The following ADGRB1 variants were observed in gnomAD, a reference collection of about 807,000 sequenced individuals.
The protein encoded by ADGRB1 is brain-specific angiogenesis inhibitor 1.
A neutral mutation model predicts 175.7 loss-of-function variants in ADGRB1; 36 were observed. That is an observed-to-expected ratio of 0.20 (90% CI 0.16 to 0.27). ADGRB1 has a LOEUF of 0.27. Ranked by LOEUF, ADGRB1 falls within the 10% of genes least tolerant of loss-of-function variation. The pLI is 1.00. For missense variants in ADGRB1, 1,731 were observed against 2,255.3 expected (o/e 0.77, Z 4.71); for synonymous variants, 1,054 against 979.4 (o/e 1.08, Z -1.42).
chr8:142,531,739 G>A (rs1193300184), intron 24 of ADGRB1, among the ~76,000 whole-genome samples: 6 of 152,148 alleles, frequency 3.9e-5, no homozygotes, highest in African/African-American at 1.4e-4. Flanking sequence ...CCTGAGGCTG[G>A]GGCCAGACAG....
Position 142,479,450 on chromosome 8 carries a change from G to A in ADGRB1, c.1689G>A (p.Gln563=). 3.2e-6 allele frequency: 5 copies of A among 1,552,008 alleles called. No homozygotes were observed. Among genetic ancestry groups the A allele is most frequent in the Non-Finnish European group, 4.3e-6 (5 of 1,154,516 alleles). The change falls in exon 8 of 31, where the codon CAG becomes CAA. Residue 563 remains glutamine (Q), a synonymous_variant. Coordinates refer to ENST00000517894, the MANE Select transcript of ADGRB1 (RefSeq NM_001702.3). ...FFGGAACQGP[Q]DEYRQCGTQR... ...GGGGAGCAGCCTGCCAGGGCCCCCAGGATGAGTACCGGCAGTGCGGCACCC... is the reference window on the plus strand; with the variant it reads ...GGGGAGCAGCCTGCCAGGGCCCCCAAGATGAGTACCGGCAGTGCGGCACCC...
rs1844200632 is a variant in ADGRB1, at chr8:142,526,488, CCT to C, written c.3313-53_3313-52del. ...AGCATCGGTCCGGCCAGTGTCAGCC[CCT>C]GAGCCTACGGCGGCCCCCACCCCCA... On this transcript the variant is annotated intron_variant, in intron 23 of 30. Transcript: ENST00000517894. The C allele has an allele frequency of 3.4e-6, 5 of 1,459,862 alleles. No homozygotes were observed. In the South Asian group the frequency reaches 6.1e-5, roughly 18 times the overall value. The allele number at this position is 1,459,862 out of a possible 1,614,324, so 90.4% of individuals were successfully genotyped here.
At chr8:142,488,590 AGCTGCT>A in intron 14 of ADGRB1, 83 bp downstream of exon 14, 1 of 1,539,192 alleles carries the variant, frequency 6.5e-7, no homozygotes, top group Non-Finnish European at 8.8e-7. Flanking sequence ...TCTGGAGTCT[AGCTGCT>A]GCCTCAGAGT....
At chr8:142,521,568 T>C (rs1843850519) in intron 20 of ADGRB1, among the ~76,000 whole-genome samples, 1 of 152,226 alleles carries the variant, frequency 6.6e-6, no homozygotes, top group Non-Finnish European at 1.5e-5. Context: ...TGGCAGAAGC[T>C]CAGGGCCGCT....
Position 142,464,635 on chromosome 8 carries a change from G to A in ADGRB1, c.437G>A (p.Arg146Gln). 1 of 1,520,276 alleles carries A rather than the reference G, an allele frequency of 6.6e-7. No individual in the cohort carries two copies. The highest frequency in any genetic ancestry group is 8.8e-7 in the Non-Finnish European group (1 of 1,138,938). 94.2% of individuals were successfully genotyped at this position (1,520,276 alleles called of 1,614,324 possible). Reference protein sequence around the residue: ...LQASKQFLQMRRQQPPQHDGL... With the variant: ...LQASKQFLQMQRQQPPQHDGL... ...GCCAGCAAGCAGTTCCTGCAGATGC[G>A]GCGCCAGCAGCCGCCCCAGCACGAC... The change falls in exon 2 of 31, where the codon CGG (arginine) becomes CAG (glutamine). Residue 146 changes from arginine to glutamine, a missense_variant. Arg to Gln is a conservative substitution (Grantham distance 43). This residue lies in a region of ADGRB1 where 383 missense variants were observed against 383.1 expected (regional missense o/e 1.00). Transcript: ENST00000517894.
At chr8:142,530,507 C>G (rs568954412) in intron 24 of ADGRB1, among the ~76,000 whole-genome samples, 1 of 152,170 alleles carries the variant, frequency 6.6e-6, no homozygotes, top group Non-Finnish European at 1.5e-5. Context: ...GCTCCCTGAG[C>G]CAGGCACTAG....
intron 1 of ADGRB1, among the ~76,000 whole-genome samples, chr8:142,461,808 G>A (rs1161249295): frequency 1.3e-5 from 2 of 152,148 alleles, no homozygotes; most frequent in Non-Finnish European, 2.9e-5. Flanking sequence ...CACTTGGAGG[G>A]GCATATGGGG....
chr8:142,451,923 G>T (rs1839374322), intron 1 of ADGRB1, among the ~76,000 whole-genome samples: 2 of 152,304 alleles, frequency 1.3e-5, no homozygotes, highest in East Asian at 1.9e-4. Context: ...CGCACGCCGG[G>T]GTGCCGCCGA....
chr8:142,542,263 G>T lies in ADGRB1; in HGVS notation c.4029G>T (p.Thr1343=), dbSNP rs745855945. ...GGGCCCAGGAGAAGGCTCTGGACAC[G>T]AGCTACGTGATCCTGCCCACGGCCA... ...LSRAQEKALD[T]SYVILPTATA... The change falls in exon 28 of 31, where the codon ACG becomes ACT. Residue 1343 remains threonine, a synonymous_variant. Transcript: ENST00000517894. This position sits in a 1 kb window ranked among gnomAD's most constrained non-coding sequence, Gnocchi z 6.3. 1 of 1,613,458 alleles carries T rather than the reference G, an allele frequency of 6.2e-7. No homozygotes were observed. The highest frequency in any genetic ancestry group is 8.5e-7 in the Non-Finnish European group (1 of 1,179,836).
At chr8:142,523,951 T>TTGGCCCTGCCAGCCTGG (rs1330147040) in intron 22 of ADGRB1, among the ~76,000 whole-genome samples, 1 of 152,082 alleles carries the variant, frequency 6.6e-6, no homozygotes, top group Non-Finnish European at 1.5e-5. Flanking sequence ...TCAGGTGGCC[T>TTGGCCCTGCCAGCCTGG]TGGCCCTGCC....
In ADGRB1 at chr8:142,507,551, C is replaced by G. The variant is rs572217217; in HGVS notation, c.2676-3381C>G. ...CCCCAGAGGCCGATAAACGACTCAG[C>G]ACCCACAGCAGGAGCCCTGGGGGCC... is the stretch of plus-strand genomic sequence containing the variant. On this transcript the variant is annotated intron_variant, in intron 17 of 30. Transcript: ENST00000517894. Among the ~76,000 whole-genome samples the G allele has an allele frequency of 3.3e-5, 5 of 152,366 alleles. No individual in the cohort carries two copies. The East Asian group carries it at 9.6e-4, about 29-fold the overall frequency.
chr8:142,518,985 G>A (rs1020740045), intron 19 of ADGRB1, among the ~76,000 whole-genome samples: 10 of 152,156 alleles, frequency 6.6e-5, no homozygotes, highest in South Asian at 4.1e-4. Context: ...CGGGCATCGG[G>A]AGGTCAATGT....
In ADGRB1 at chr8:142,511,911, G is replaced by T. The variant is rs944128519; in HGVS notation, c.2817+838G>T. The stretch of plus-strand genomic sequence containing the variant: ...TGTGGAAGCCTGGGAGGCAGCAGGG[G>T]TGGAGGATGCACTTGGAGGGGACCT... On this transcript the variant is annotated intron_variant, in intron 18 of 30. Coordinates refer to ENST00000517894, the MANE Select transcript of ADGRB1 (RefSeq NM_001702.3). The surrounding 1 kb of genome is among the most constrained non-coding windows in gnomAD (Gnocchi z 4.5). Among the ~76,000 whole-genome samples the T allele has an allele frequency of 2.6e-5, 4 of 152,188 alleles. No homozygotes were observed. Among genetic ancestry groups the T allele is most frequent in the African/African-American group, 9.7e-5 (4 of 41,440 alleles).
At chr8:142,495,992 T>A (rs986259144) in intron 17 of ADGRB1, among the ~76,000 whole-genome samples, 12 of 150,698 alleles carry the variant, frequency 8.0e-5, no homozygotes, top group African/African-American at 2.9e-4. Context: ...GATGGATGTG[T>A]AAATGGTAGA....
chr8:142,496,818 A>C (rs1486167897), intron 17 of ADGRB1, among the ~76,000 whole-genome samples: 2 of 152,050 alleles, frequency 1.3e-5, no homozygotes, highest in Non-Finnish European at 2.9e-5. Flanking sequence ...GCCCATCCTC[A>C]TGGCTTTAGG....
intron 17 of ADGRB1, among the ~76,000 whole-genome samples, chr8:142,497,946 A>G (rs1842299854): frequency 6.6e-6 from 1 of 152,162 alleles, no homozygotes; most frequent in South Asian, 2.1e-4. Flanking sequence ...GCCTCCTCCC[A>G]GTCCAGGACA....
chr8:142,542,169 A>C lies in ADGRB1; in HGVS notation c.3935A>C (p.Asp1312Ala). The C allele has an allele frequency of 6.2e-7, 1 of 1,613,458 alleles. No individual in the cohort carries two copies. The highest frequency in any genetic ancestry group is 8.5e-7 in the Non-Finnish European group (1 of 1,179,782). Residue 1312 changes from aspartate (D) to alanine (A), a missense_variant, in exon 28 of 31, where the codon GAC becomes GCC. By Grantham distance (126) the Asp-to-Ala change is moderately radical. Coordinates refer to ENST00000517894, the MANE Select transcript of ADGRB1 (RefSeq NM_001702.3). The surrounding 1 kb of genome is among the most constrained non-coding windows in gnomAD (Gnocchi z 6.3). ...AACCACTCACTGACCCTCAAGAGGG[A>C]CAAGGCGCCCAAGTCCTCCTTCGTC... ...FPNHSLTLKR[D>A]KAPKSSFVGD... is the part of the protein sequence containing the mutation.
intron 27 of ADGRB1, among the ~76,000 whole-genome samples, chr8:142,541,623 G>A (rs192233358): frequency 2.7e-4 from 41 of 152,312 alleles, no homozygotes; most frequent in African/African-American, 9.6e-4. Flanking sequence ...AGTCAAGGCC[G>A]CCCTCGCCTG....
At chr8:142,491,855 G>A (rs1335422029) in intron 17 of ADGRB1, among the ~76,000 whole-genome samples, 9 of 152,218 alleles carry the variant, frequency 5.9e-5, no homozygotes, top group African/African-American at 2.2e-4. Context: ...GGCTCTGTGA[G>A]TGGCAGGCGT....
Sources: allele counts gnomAD v4.1 joint callset (sites outside exome capture counted in the v4.1 genomes callset), GRCh38; gene constraint gnomAD v4.1.1; regional missense constraint gnomAD v4.1.1; non-coding constraint Gnocchi (gnomAD v3.1); transcripts MANE v1.5; gene names NCBI Gene and HGNC (gene_info 2026-07-23, HGNC 2026-07-21).